Variants in PIERCE2 observed in about 807,000 individuals in gnomAD.
The protein encoded by PIERCE2 is piercer of microtubule wall 2, also known as piercer of microtubule wall 2 protein.
the PIERCE2 span, chr15:55,410,812 A>G: frequency 6.6e-6 from 1 of 152,176 alleles, no homozygotes; most frequent in African/African-American, 2.4e-5. Flanking sequence ...TCCACCTTCC[A>G]CCTATAAAGC....
the PIERCE2 span, among the ~76,000 whole-genome samples, chr15:55,415,923 A>C: frequency 2.6e-5 from 4 of 152,118 alleles, no homozygotes; most frequent in African/African-American, 9.7e-5. Context: ...TTAGAATTAA[A>C]ATTAACTTCC....
the PIERCE2 span, among the ~76,000 whole-genome samples, chr15:55,416,264 G>C: frequency 6.6e-6 from 1 of 151,972 alleles, no homozygotes; most frequent in African/African-American, 2.4e-5. Flanking sequence ...ACCACAACCA[G>C]CTAATTTTTG....
the PIERCE2 span, among the ~76,000 whole-genome samples, chr15:55,412,431 A>G: frequency 6.6e-6 from 1 of 152,208 alleles, no homozygotes; most frequent in South Asian, 2.1e-4. Context: ...GGTAGAAGAG[A>G]TCTGAGAGGT....
chr15:55,410,445 T>C, the PIERCE2 span: 1 of 152,068 alleles, frequency 6.6e-6, no homozygotes, highest in Non-Finnish European at 1.5e-5. Flanking sequence ...AGTTCAAGAG[T>C]TCGAGACCAG....
chr15:55,414,544 A>C, the PIERCE2 span, among the ~76,000 whole-genome samples: 1 of 152,218 alleles, frequency 6.6e-6, no homozygotes, highest in African/African-American at 2.4e-5. Context: ...TAGTCATTGT[A>C]AGTCTTCCAA....
chr15:55,408,867 C>T, the PIERCE2 span: 3 of 985,360 alleles, frequency 3.0e-6, no homozygotes, highest in Non-Finnish European at 4.5e-6. Context: ...CTCCTACCAC[C>T]CCCAACCCCA....
At chr15:55,417,121 A>G in the PIERCE2 span, among the ~76,000 whole-genome samples, 1 of 152,130 alleles carries the variant, frequency 6.6e-6, no homozygotes, top group Admixed American at 6.6e-5. Flanking sequence ...CTAGAATTAT[A>G]TTACCTCATG....
chr15:55,418,727 C>T, the PIERCE2 span: 7 of 533,968 alleles, frequency 1.3e-5, no homozygotes, highest in South Asian at 2.5e-4. Flanking sequence ...ATGACAGTGA[C>T]TTTTTAAATG....
the PIERCE2 span, among the ~76,000 whole-genome samples, chr15:55,417,303 T>A: frequency 2.0e-5 from 3 of 152,166 alleles, no homozygotes; most frequent in African/African-American, 7.2e-5. Flanking sequence ...TGTCCCCACT[T>A]CTATCTTTTA....
At chr15:55,418,229 A>G in the PIERCE2 span, 376 of 1,572,144 alleles carry the variant, frequency 2.4e-4, no homozygotes, top group Admixed American at 3.4e-4. Context: ...TTAGGATAAG[A>G]AAAGTACTTC....
chr15:55,416,226 C>T, the PIERCE2 span, among the ~76,000 whole-genome samples: 1 of 151,986 alleles, frequency 6.6e-6, no homozygotes, highest in African/African-American at 2.4e-5. Flanking sequence ...CTCAGCCTCC[C>T]GAGTAGCTGG....
At chr15:55,411,929 AAAAT>A in the PIERCE2 span, among the ~76,000 whole-genome samples, 1 of 151,824 alleles carries the variant, frequency 6.6e-6, no homozygotes. Flanking sequence ...CTCACAAAAA[AAAAT>A]AAATAAATTT....
the PIERCE2 span, chr15:55,418,340 C>T: frequency 6.5e-7 from 1 of 1,540,926 alleles, no homozygotes; most frequent in African/African-American, 1.4e-5. Context: ...AAAGACACTC[C>T]AGACAGCCAC....
At chr15:55,409,616 T>A in the PIERCE2 span, among the ~76,000 whole-genome samples, 6 of 152,226 alleles carry the variant, frequency 3.9e-5, no homozygotes, top group Non-Finnish European at 8.8e-5. Flanking sequence ...TTTTTGCTTT[T>A]CTATTAACTA....
the PIERCE2 span, among the ~76,000 whole-genome samples, chr15:55,412,636 G>A: frequency 6.6e-6 from 1 of 152,114 alleles, no homozygotes; most frequent in African/African-American, 2.4e-5. Context: ...TGGACACTGT[G>A]GCATGTACCT....
At chr15:55,411,064 A>C in the PIERCE2 span, 11 of 152,360 alleles carry the variant, frequency 7.2e-5, no homozygotes, top group Admixed American at 7.2e-4. Flanking sequence ...ATGAGTATTA[A>C]GTGAATATTA....
the PIERCE2 span, chr15:55,408,732 C>A: frequency 6.6e-7 from 1 of 1,512,046 alleles, no homozygotes. Flanking sequence ...TGCATGAAAA[C>A]TGACTTTGCC....
chr15:55,418,654 A>G, the PIERCE2 span: 1 of 963,234 alleles, frequency 1.0e-6, no homozygotes, highest in Non-Finnish European at 1.5e-6. Flanking sequence ...CTAATAAAGA[A>G]GATAAAAAGT....
chr15:55,418,514 A>T, the PIERCE2 span: 1 of 1,524,652 alleles, frequency 6.6e-7, no homozygotes, highest in Non-Finnish European at 8.8e-7. Context: ...CACTCTAAAT[A>T]CTGCACCTGA....
Sources: allele counts gnomAD v4.1 joint callset (sites outside exome capture counted in the v4.1 genomes callset), GRCh38; gene constraint gnomAD v4.1.1; transcripts MANE v1.5; gene names NCBI Gene and HGNC (gene_info 2026-07-23, HGNC 2026-07-21).